The following SLC25A25 variants were observed in gnomAD, a reference collection of about 807,000 sequenced individuals.
SLC25A25 encodes the protein mitochondrial adenyl nucleotide antiporter SLC25A25.
SLC25A25 carries 32 observed loss-of-function variants against 57.7 expected under a neutral mutation model. That is an observed-to-expected ratio of 0.55 (90% CI 0.42 to 0.74). The LOEUF is 0.74. Ranked by LOEUF, SLC25A25 falls within the 30% of genes least tolerant of loss-of-function variation. SLC25A25 has a pLI of 0.00. For synonymous variants in SLC25A25, 306 were observed against 291.2 expected, an observed-to-expected ratio of 1.05 and a Z score of -0.52; for missense variants, 556 against 701.3, an observed-to-expected ratio of 0.79 and a Z score of 2.34.
chr9:128,101,956 C>G lies in SLC25A25; in HGVS notation c.477-124C>G. 1.8e-6 allele frequency: 2 copies of G among 1,086,658 alleles called. No homozygotes were observed. The highest frequency in any genetic ancestry group is 2.7e-6 in the Non-Finnish European group (2 of 746,442). The allele number at this position is 1,086,658 out of a possible 1,614,324, so 67.3% of individuals were successfully genotyped here. On this transcript the variant is annotated intron_variant, in intron 3 of 10. Coordinates refer to ENST00000373069, the MANE Select transcript of SLC25A25 (RefSeq NM_001330988.2). The surrounding 1 kb of genome is among the most constrained non-coding windows in gnomAD (Gnocchi z 4.9). ...GCAGCCCTGGGCTCAGCTGCTGTGG[C>G]GGGCTCGTCTCGTGCCGTGCTGTGC...
At chr9:128,086,668 G>T (rs1833283327) in intron 1 of SLC25A25, among the ~76,000 whole-genome samples, 1 of 150,724 alleles carries the variant, frequency 6.6e-6, no homozygotes, top group Non-Finnish European at 1.5e-5. Context: ...TAGAGACAGG[G>T]TCTTACTTTG....
intron 1 of SLC25A25, among the ~76,000 whole-genome samples, chr9:128,097,507 C>T (rs1833595777): frequency 6.6e-6 from 1 of 152,222 alleles, no homozygotes; most frequent in African/African-American, 2.4e-5. Context: ...TGGCTCAGTA[C>T]AACCTCCGCC....
Position 128,102,065 on chromosome 9 carries a change from TTGTC to T in SLC25A25, c.477-6_477-3del, listed in dbSNP as rs765217036. 36 of 1,550,468 alleles carry T rather than the reference TTGTC, an allele frequency of 2.3e-5. No individual in the cohort carries two copies. The highest frequency in any genetic ancestry group is 1.4e-4 in the South Asian group (12 of 84,056). On this transcript the variant is annotated splice_polypyrimidine_tract_variant and intron_variant, in intron 3 of 10. Transcript: ENST00000373069. This position sits in a 1 kb window ranked among gnomAD's most constrained non-coding sequence, Gnocchi z 4.1. ...GTTTCTGCTCTCTCCTCCGCATCCT[TTGTC>T]TGTCTGTCAGAATACGAACGGGCCA...
rs761513312 is a variant in SLC25A25, at chr9:128,107,364, A to G, written c.1468A>G (p.Met490Val). ...GTACAGGGGGCTGGCCCCCAACTTCATGAAGGTCATCCCAGCTGTGAGCAT... is the reference window on the plus strand; with the variant it reads ...GTACAGGGGGCTGGCCCCCAACTTCGTGAAGGTCATCCCAGCTGTGAGCAT... The part of the protein sequence containing the change: ...GLYRGLAPNF[M>V]KVIPAVSISY... Residue 490 changes from methionine (M) to valine (V), a missense_variant, in exon 11 of 11, where the codon ATG becomes GTG. This residue lies in a region of SLC25A25 where 294 missense variants were observed against 389.6 expected (regional missense o/e 0.75). Transcript: ENST00000373069. 6.6e-7 allele frequency: 1 copy of G among 1,515,664 alleles called. No homozygotes were observed. Among genetic ancestry groups the G allele is most frequent in the South Asian group, 1.3e-5 (1 of 75,588 alleles). The allele number at this position is 1,515,664 out of a possible 1,614,324, so 93.9% of individuals were successfully genotyped here.
intron 1 of SLC25A25, chr9:128,094,553 C>G (rs1323019536): frequency 6.6e-6 from 1 of 152,174 alleles, no homozygotes; most frequent in Non-Finnish European, 1.5e-5. Context: ...GGTTTGAGAG[C>G]CTTAAGGGTG....
Position 128,106,391 on chromosome 9 carries a change from G to C in SLC25A25, c.1083G>C (p.Gln361His), listed in dbSNP as rs140777921. Residue 361 changes from glutamine to histidine, a missense_variant, in exon 9 of 11, where the codon CAG becomes CAC. Gln to His is a conservative substitution (Grantham distance 24). This residue lies in a region of SLC25A25 where 294 missense variants were observed against 389.6 expected (regional missense o/e 0.75). Coordinates refer to ENST00000373069, the MANE Select transcript of SLC25A25 (RefSeq NM_001330988.2). ...KTRMALRKTG[Q>H]YSGMLDCARR... ...GGATGGCGCTGCGGAAGACAGGCCA[G>C]TACTCAGGAATGCTGGACTGCGCCA... 4,352 of 1,613,820 alleles carry C rather than the reference G, an allele frequency of 2.7e-3. 4 individuals carry two copies. Among genetic ancestry groups the C allele is most frequent in the Non-Finnish European group, 3.1e-3 (3,714 of 1,179,936 alleles).
chr9:128,086,191 C>G (rs868295457), intron 1 of SLC25A25, among the ~76,000 whole-genome samples: 1 of 150,306 alleles, frequency 6.7e-6, no homozygotes, highest in Admixed American at 6.6e-5. Flanking sequence ...TAGACAAGAT[C>G]TCACTCTGTT....
At chr9:128,091,678 A>G in intron 1 of SLC25A25, 1 of 1,286,462 alleles carries the variant, frequency 7.8e-7, no homozygotes, top group Non-Finnish European at 9.8e-7. Flanking sequence ...AGAGTGAGCT[A>G]CTTCTCAGGC....
Position 128,102,553 on chromosome 9 carries a change from AT to A in SLC25A25, c.624+73del. 1 of 1,260,102 alleles carries A rather than the reference AT, an allele frequency of 7.9e-7. No homozygotes were observed. The highest frequency in any genetic ancestry group is 1.3e-5 in the South Asian group (1 of 75,820). The allele number at this position is 1,260,102 out of a possible 1,614,324, so 78.1% of individuals were successfully genotyped here. On this transcript the variant is annotated intron_variant, in intron 5 of 10. Transcript: ENST00000373069. This position sits in a 1 kb window ranked among gnomAD's most constrained non-coding sequence, Gnocchi z 4.1. ...AGCCCAGAGTCACCCAGTCGTCCCC[AT>A]CCCAGAGTGCAGCTGGGGCTTTCCA...
intron 1 of SLC25A25, among the ~76,000 whole-genome samples, chr9:128,090,444 G>C (rs1166510966): frequency 6.6e-6 from 1 of 151,926 alleles, no homozygotes; most frequent in Non-Finnish European, 1.5e-5. Flanking sequence ...AACTCCGCCT[G>C]CCTTGGCCTC....
chr9:128,108,237 C>T lies in SLC25A25; in HGVS notation c.*793C>T, dbSNP rs909755998. The T allele has an allele frequency of 5.0e-5, 20 of 399,044 alleles. No homozygotes were observed. The highest frequency in any genetic ancestry group is 4.4e-6 in the Non-Finnish European group (1 of 226,192). The allele number at this position is 399,044 out of a possible 1,614,324, so 24.7% of individuals were successfully genotyped here. The stretch of plus-strand genomic sequence containing the variant: ...ACTGTGGCATGAGGGCAGTGGAGCA[C>T]CATGTTTGAGGGCGAAGGGCAGAGC... On this transcript the variant is annotated 3_prime_UTR_variant, in exon 11 of 11. Coordinates refer to ENST00000373069, the MANE Select transcript of SLC25A25 (RefSeq NM_001330988.2).
At chr9:128,098,748 AG>A (rs1402463468) in intron 1 of SLC25A25, 1 of 1,612,330 alleles carries the variant, frequency 6.2e-7, no homozygotes, top group South Asian at 1.1e-5. Flanking sequence ...ACCGCGCGGA[AG>A]GGAGAGGCGC....
At chr9:128,079,400 T>G (rs1210869132) in intron 1 of SLC25A25, among the ~76,000 whole-genome samples, 1 of 137,496 alleles carries the variant, frequency 7.3e-6, no homozygotes, top group Non-Finnish European at 1.5e-5. Flanking sequence ...ATTGAAATGC[T>G]GCTGATGCCA....
At chr9:128,086,981 G>A (rs76719875) in intron 1 of SLC25A25, among the ~76,000 whole-genome samples, 7 of 152,020 alleles carry the variant, frequency 4.6e-5, no homozygotes, top group Non-Finnish European at 8.8e-5. Context: ...TTGGGAGGCC[G>A]AGGTGGGTGG....
intron 9 of SLC25A25, 125 bp from the exon 10 acceptor site, chr9:128,106,904 G>A: frequency 2.5e-6 from 3 of 1,207,726 alleles, no homozygotes; most frequent in South Asian, 1.4e-5. Flanking sequence ...GCCAGGCTAG[G>A]AGCCCAGCCA....
intron 1 of SLC25A25, chr9:128,091,559 T>A (rs118130288): frequency 0.43 from 407,697 of 940,644 alleles, 24,983 homozygotes; most frequent in Admixed American, 0.62. Context: ...TTTTTTTTTT[T>A]TTAAAAAAAA....
In SLC25A25 at chr9:128,068,368, G is replaced by A; in HGVS notation, c.49G>A (p.Ala17Thr). The stretch of plus-strand genomic sequence containing the variant: ...CTGTGTGGCCTCCCCGCCGCCGGAC[G>A]CCGCCGCCACCGCCGCCTCTTCGTC... Reference protein sequence around the residue: ...CRCVASPPPDAAATAASSSAS... With the variant: ...CRCVASPPPDTAATAASSSAS... Residue 17 changes from alanine (A) to threonine (T), a missense_variant, in exon 1 of 11, where the codon GCC becomes ACC. Ala to Thr is a moderately conservative substitution (Grantham distance 58). This residue lies in a region of SLC25A25 where 248 missense variants were observed against 273.5 expected (regional missense o/e 0.91). Transcript: ENST00000373069. The A allele has an allele frequency of 1.3e-6, 2 of 1,544,016 alleles. No individual in the cohort carries two copies. The highest frequency in any genetic ancestry group is 2.6e-5 in the East Asian group (1 of 38,826).
chr9:128,098,582 C>T (rs759489229), intron 1 of SLC25A25: 1 of 1,614,068 alleles, frequency 6.2e-7, no homozygotes, highest in Non-Finnish European at 8.5e-7. Flanking sequence ...CTGTCTGTGC[C>T]TGTATGTGCC....
chr9:128,091,659 G>A (rs1833409847), intron 1 of SLC25A25: 20 of 1,218,036 alleles, frequency 1.6e-5, no homozygotes, highest in African/African-American at 3.1e-5. Context: ...AGCCTGGCAA[G>A]CCTCCCTTAG....
Sources: gnomAD v4.1 joint callset for allele counts (sites outside exome capture counted in the v4.1 genomes callset) on GRCh38, gnomAD v4.1.1 for gene constraint, gnomAD v4.1.1 regional missense constraint, Gnocchi (gnomAD v3.1) non-coding constraint, MANE v1.5 for transcripts, NCBI Gene and HGNC (gene_info 2026-07-23, HGNC 2026-07-21) for gene names.